MYBPC2: variants seen among roughly 807,000 people sequenced by gnomAD.
MYBPC2 encodes the protein myosin binding protein C2.
Under a neutral mutation model 137.0 loss-of-function variants are expected in MYBPC2, and 122 were observed. The observed-to-expected ratio is 0.89, with a 90% CI of 0.77 to 1.03. The LOEUF (loss-of-function observed/expected upper bound fraction) is 1.03, where lower values mean the gene tolerates loss of function less well. MYBPC2 is among the 50% of genes least tolerant of loss of function. The probability of loss-of-function intolerance (pLI) is 0.00; values close to 1 mark genes in which losing one functional copy is unlikely to be tolerated. For synonymous variants in MYBPC2, 626 were observed against 612.3 expected (o/e 1.02, Z -0.33); for missense variants, 1,500 against 1,534.4 (o/e 0.98, Z 0.37).
Position 50,459,107 on chromosome 19 carries a change from G to T in MYBPC2, c.2596-4G>T, listed in dbSNP as rs768955247. On this transcript the variant is annotated splice_polypyrimidine_tract_variant and splice_region_variant and intron_variant, in intron 22 of 27. Coordinates refer to ENST00000357701, the MANE Select transcript of MYBPC2 (RefSeq NM_004533.4). ...CCCCACCCCGCCCCGCCCTCTCCCC[G>T]CAGGGAAAGCCCCGGCCCCAGGTGG... is the stretch of plus-strand genomic sequence containing the variant. 1 of 771,940 alleles carries T rather than the reference G, an allele frequency of 1.3e-6. No homozygotes were observed. The highest frequency in any genetic ancestry group is 1.4e-5 in the South Asian group (1 of 70,548). 47.8% of individuals were successfully genotyped at this position (771,940 alleles called of 1,614,324 possible).
chr19:50,441,488 C>T (rs888685458), intron 8 of MYBPC2, among the ~76,000 whole-genome samples: 15 of 152,220 alleles, frequency 9.9e-5, no homozygotes, highest in Non-Finnish European at 1.9e-4. Context: ...CTCTCTGTCT[C>T]TGGGGTAGCC....
In MYBPC2 at chr19:50,466,175, G is replaced by A. The variant is rs767316296; in HGVS notation, c.3416-20G>A. 2.5e-6 allele frequency: 4 copies of A among 1,613,574 alleles called. No individual in the cohort carries two copies. The highest frequency in any genetic ancestry group is 2.2e-5 in the East Asian group (1 of 44,866). Reference sequence around the variant, plus strand: ...AGGCGTGCCCGGGCCTGGCTCACCCGCTTTCTCGTTTTCCTGCAGTGCCGC... The same window carrying A: ...AGGCGTGCCCGGGCCTGGCTCACCCACTTTCTCGTTTTCCTGCAGTGCCGC... On this transcript the variant is annotated intron_variant, in intron 27 of 27. Coordinates refer to ENST00000357701, the MANE Select transcript of MYBPC2 (RefSeq NM_004533.4). The surrounding 1 kb of genome is among the most constrained non-coding windows in gnomAD (Gnocchi z 4.9).
Position 50,435,363 on chromosome 19 carries a change from C to T in MYBPC2, c.109+113C>T. ...TATCCTTGAATCTGTCCCCGCACAG[C>T]CCCAGGGCTGACCCACGCCTCCCGT... On this transcript the variant is annotated intron_variant, in intron 2 of 27. Transcript: ENST00000357701. The surrounding 1 kb of genome is among the most constrained non-coding windows in gnomAD (Gnocchi z 4.8). 1.5e-6 allele frequency: 1 copy of T among 670,710 alleles called. No individual in the cohort carries two copies. Among genetic ancestry groups the T allele is most frequent in the Admixed American group, 2.7e-5 (1 of 37,458 alleles). 41.5% of individuals were successfully genotyped at this position (670,710 alleles called of 1,614,324 possible). A position where few individuals can be genotyped will look rare whatever the true frequency, so the allele number is the denominator to read the frequency against.
chr19:50,436,999 T>C (rs1967956140), intron 5 of MYBPC2, among the ~76,000 whole-genome samples: 1 of 152,062 alleles, frequency 6.6e-6, no homozygotes, highest in African/African-American at 2.4e-5. Flanking sequence ...ACATTCCACG[T>C]TTAAGAAAGT....
At chr19:50,452,417 T>C (rs796940342) in intron 16 of MYBPC2, among the ~76,000 whole-genome samples, 109 of 137,600 alleles carry the variant, frequency 7.9e-4, no homozygotes, top group Admixed American at 4.1e-3. Context: ...CTTCAATCTA[T>C]CTATATAATC....
rs2122574873 is a variant in MYBPC2, at chr19:50,435,195, C to T, written c.54C>T (p.Pro18=). The part of the protein sequence containing the change: ...AKKAPKGKDA[P]KGAPKEAPPK... Reference sequence around the variant, plus strand: ...AGGCCCCCAAAGGCAAAGATGCCCCCAAAGGAGCCCCCAAGGAGGCTCCCC... The same window carrying T: ...AGGCCCCCAAAGGCAAAGATGCCCCTAAAGGAGCCCCCAAGGAGGCTCCCC... The change falls in exon 2 of 28, where the codon CCC becomes CCT. Residue 18 remains proline, a synonymous_variant. Transcript: ENST00000357701. This position sits in a 1 kb window ranked among gnomAD's most constrained non-coding sequence, Gnocchi z 4.8. 7.0e-7 allele frequency: 1 copy of T among 1,431,000 alleles called. No homozygotes were observed. The highest frequency in any genetic ancestry group is 9.8e-7 in the Non-Finnish European group (1 of 1,018,192). 88.6% of individuals were successfully genotyped at this position (1,431,000 alleles called of 1,614,324 possible). A position where few individuals can be genotyped will look rare whatever the true frequency, so the allele number is the denominator to read the frequency against.
Position 50,448,398 on chromosome 19 carries a change from G to A in MYBPC2, c.1472+8G>A, listed in dbSNP as rs2039826274. The A allele has an allele frequency of 6.2e-7, 1 of 1,612,966 alleles. No individual in the cohort carries two copies. The highest frequency in any genetic ancestry group is 8.5e-7 in the Non-Finnish European group (1 of 1,179,144). On this transcript the variant is annotated splice_region_variant and intron_variant, in intron 13 of 27. Coordinates refer to ENST00000357701, the MANE Select transcript of MYBPC2 (RefSeq NM_004533.4). The stretch of plus-strand genomic sequence containing the variant: ...CATTTCCCATGTAGGCAGGTGAGGA[G>A]TGGGCTGCAGAAGTGGCTGGGGGTA...
At chr19:50,452,097 G>T in intron 16 of MYBPC2, 94 bp downstream of exon 16, 15 of 1,330,192 alleles carry the variant, frequency 1.1e-5, no homozygotes, top group Non-Finnish European at 1.5e-5. Flanking sequence ...TAAAATGAGG[G>T]TGATGGTTCC....
chr19:50,451,213 G>T, intron 14 of MYBPC2, 67 bp from the exon 15 acceptor site: 1 of 1,567,496 alleles, frequency 6.4e-7, no homozygotes, highest in African/African-American at 1.4e-5. Context: ...CTTCCTCTGG[G>T]CTGTGAAGGT....
chr19:50,435,173 C>T lies in MYBPC2; in HGVS notation c.32C>T (p.Ala11Val), dbSNP rs761743423. The T allele has an allele frequency of 5.3e-6, 7 of 1,330,294 alleles. No individual in the cohort carries two copies. Among genetic ancestry groups the T allele is most frequent in the Admixed American group, 1.7e-5 (1 of 57,938 alleles). 82.4% of individuals were successfully genotyped at this position (1,330,294 alleles called of 1,614,324 possible). A position where few individuals can be genotyped will look rare whatever the true frequency, so the allele number is the denominator to read the frequency against. The change falls in exon 2 of 28, where the codon GCC (alanine) becomes GTC (valine). Residue 11 changes from alanine (A) to valine (V), a missense_variant. Transcript: ENST00000357701. The surrounding 1 kb of genome is among the most constrained non-coding windows in gnomAD (Gnocchi z 4.8). ...CCCTACCTTACAGCGGCCAAAAAGG[C>T]CCCCAAAGGCAAAGATGCCCCCAAA... Reference protein sequence around the residue: MPEAKPAAKKAPKGKDAPKGA... With the variant: MPEAKPAAKKVPKGKDAPKGA...
intron 27 of MYBPC2, among the ~76,000 whole-genome samples, chr19:50,464,795 G>A (rs1279023799): frequency 6.6e-6 from 1 of 152,176 alleles, no homozygotes; most frequent in African/African-American, 2.4e-5. Flanking sequence ...TGAGTGAGAA[G>A]GGCTTAGGAA....
At chr19:50,434,152 G>A (rs1381907234) in intron 1 of MYBPC2, among the ~76,000 whole-genome samples, 1 of 152,170 alleles carries the variant, frequency 6.6e-6, no homozygotes, top group Non-Finnish European at 1.5e-5. Context: ...GAGCCCAGCA[G>A]TTCAAGGCCA....
At chr19:50,442,098 G>C (rs1468363959) in intron 8 of MYBPC2, 83 bp from the exon 9 acceptor site, 2 of 1,491,192 alleles carry the variant, frequency 1.3e-6, no homozygotes, top group East Asian at 5.0e-5. Context: ...CAGGGCCTGG[G>C]GAGGGAGATG....
In MYBPC2 at chr19:50,450,894, A is replaced by T; in HGVS notation, c.1538A>T (p.Asp513Val). ...GAGGGAGACTACACGTTTGTGCCTG[A>T]CGGCTACGCCCTGTCGCTCTCGGCC... Reference protein sequence around the residue: ...EDEGDYTFVPDGYALSLSAKL... With the variant: ...EDEGDYTFVPVGYALSLSAKL... The change falls in exon 14 of 28, where the codon GAC becomes GTC. Residue 513 changes from aspartate to valine, a missense_variant. Physicochemically the swap from Asp to Val is radical, Grantham distance 152 (BLOSUM62 -3). Coordinates refer to ENST00000357701, the MANE Select transcript of MYBPC2 (RefSeq NM_004533.4). 1 of 1,578,394 alleles carries T rather than the reference A, an allele frequency of 6.3e-7. No individual in the cohort carries two copies. The highest frequency in any genetic ancestry group is 1.2e-5 in the South Asian group (1 of 85,558).
chr19:50,456,358 A>G (rs944205970), intron 20 of MYBPC2, among the ~76,000 whole-genome samples: 1 of 132,622 alleles, frequency 7.5e-6, no homozygotes, highest in African/African-American at 3.1e-5. Flanking sequence ...CTGTCCATCC[A>G]TCCATCTGTC....
intron 16 of MYBPC2, 83 bp downstream of exon 16, chr19:50,452,086 A>G (rs756898768): frequency 1.3e-5 from 18 of 1,391,346 alleles, no homozygotes; most frequent in East Asian, 5.0e-5. Context: ...TTCATCCTCT[A>G]TAAAATGAGG....
chr19:50,451,825 C>T (rs747357843), intron 15 of MYBPC2, 39 bp from the exon 16 acceptor site: 5 of 1,571,858 alleles, frequency 3.2e-6, no homozygotes, highest in Non-Finnish European at 4.3e-6. Context: ...GGCCCAGCCT[C>T]CCACTCCCAG....
At chr19:50,457,523 C>A (rs140810596) in intron 20 of MYBPC2, among the ~76,000 whole-genome samples, 3,032 of 152,188 alleles carry the variant, frequency 0.02, 59 homozygotes, top group Non-Finnish European at 0.025. Flanking sequence ...AGCTTGAGAG[C>A]GTGCTGGAGT....
At chr19:50,461,490 C>A (rs1008084559) in intron 24 of MYBPC2, 52 bp from the exon 25 acceptor site, 11 of 1,563,468 alleles carry the variant, frequency 7.0e-6, no homozygotes, top group African/African-American at 4.1e-5. Flanking sequence ...TGTGTGTAAT[C>A]GTGTGATCCT....
Sources: allele counts gnomAD v4.1 joint callset (sites outside exome capture counted in the v4.1 genomes callset), GRCh38; gene constraint gnomAD v4.1.1; non-coding constraint Gnocchi (gnomAD v3.1); transcripts MANE v1.5; gene names NCBI Gene and HGNC (gene_info 2026-07-23, HGNC 2026-07-21).